Variants in PSMF1 observed in about 807,000 individuals in gnomAD.
PSMF1 encodes proteasome inhibitor PI31 subunit.
In PSMF1, 30 loss-of-function variants were observed where a neutral mutation model predicts 29.3. The observed-to-expected ratio is 1.02, with a 90% CI of 0.77 to 1.39. The LOEUF is 1.39. PSMF1 is among the 40% of genes most tolerant of loss of function. PSMF1 has a pLI of 0.00. For synonymous variants in PSMF1, 134 were observed against 139.7 expected (o/e 0.96, Z 0.29); for missense variants, 344 against 357.5 (o/e 0.96, Z 0.31).
At chr20:1,125,773 C>G in intron 2 of PSMF1, 123 bp downstream of exon 2, 1 of 1,283,160 alleles carries the variant, frequency 7.8e-7, no homozygotes, top group Non-Finnish European at 1.1e-6. Flanking sequence ...AGTGATCCCA[C>G]TTCTGGAACT....
At chr20:1,146,885 TA>T (rs1485937027) in intron 4 of PSMF1, among the ~76,000 whole-genome samples, 1 of 152,182 alleles carries the variant, frequency 6.6e-6, no homozygotes, top group Non-Finnish European at 1.5e-5. Context: ...AGTGGTCTAG[TA>T]ACTGGTCACT....
intron 1 of PSMF1, among the ~76,000 whole-genome samples, chr20:1,120,383 C>T (rs1470595993): frequency 6.6e-6 from 1 of 152,178 alleles, no homozygotes; most frequent in Non-Finnish European, 1.5e-5. Flanking sequence ...ATCATTTCAC[C>T]TTCCCAAACA....
intron 1 of PSMF1, among the ~76,000 whole-genome samples, chr20:1,124,648 T>C (rs1291178613): frequency 1.3e-5 from 2 of 152,358 alleles, no homozygotes; most frequent in South Asian, 2.1e-4. Flanking sequence ...CAAATCACCA[T>C]CAACAAGTAG....
chr20:1,153,669 C>T (rs1853502427), intron 4 of PSMF1, among the ~76,000 whole-genome samples: 1 of 152,178 alleles, frequency 6.6e-6, no homozygotes, highest in Admixed American at 6.5e-5. Context: ...TGTTCTCTGA[C>T]CTCTCAAATG....
At chr20:1,132,959 G>A (rs2086249327) in intron 3 of PSMF1, among the ~76,000 whole-genome samples, 1 of 121,852 alleles carries the variant, frequency 8.2e-6, no homozygotes. Context: ...AAGGTGTTTA[G>A]GGTTTTTTTG....
Position 1,157,449 on chromosome 20 carries a change from C to T in PSMF1, c.552-5681C>T, listed in dbSNP as rs559429144. 4.1e-4 allele frequency among the ~76,000 whole-genome samples: 63 copies of T among 152,272 alleles called. No individual in the cohort carries two copies. In the South Asian group the frequency reaches 0.011, roughly 28 times the overall value. On this transcript the variant is annotated intron_variant, in intron 4 of 6. Transcript: ENST00000335877. ...CGCCTAACATAATACAACTATCCTT[C>T]GTACAACTAGAAACTCACCAATCCC...
intron 3 of PSMF1, among the ~76,000 whole-genome samples, chr20:1,130,045 A>G (rs574763971): frequency 2.0e-5 from 3 of 152,232 alleles, no homozygotes; most frequent in Non-Finnish European, 4.4e-5. Context: ...CCTTGAAGAC[A>G]TTATACTAAA....
At chr20:1,119,568 A>G (rs2086057896) in intron 1 of PSMF1, among the ~76,000 whole-genome samples, 1 of 152,108 alleles carries the variant, frequency 6.6e-6, no homozygotes, top group South Asian at 2.1e-4. Context: ...GGGTCATATA[A>G]GATTTTCTCC....
At chr20:1,126,568 AG>A (rs1263611035) in intron 2 of PSMF1, among the ~76,000 whole-genome samples, 3 of 152,072 alleles carry the variant, frequency 2.0e-5, no homozygotes, top group Non-Finnish European at 4.4e-5. Context: ...TTAAGCAAAA[AG>A]GGTTTATTAA....
chr20:1,123,602 C>T (rs2086117789), intron 1 of PSMF1, among the ~76,000 whole-genome samples: 1 of 152,058 alleles, frequency 6.6e-6, no homozygotes, highest in Non-Finnish European at 1.5e-5. Context: ...ATATAGTATT[C>T]CACTATAAGC....
chr20:1,116,300 C>T (rs150330086), upstream of PSMF1, among the ~76,000 whole-genome samples: 611 of 152,328 alleles, frequency 4.0e-3, 3 homozygotes, highest in African/African-American at 0.014. Context: ...AAGTGCAGAA[C>T]TTCTCAGTAG....
intron 4 of PSMF1, among the ~76,000 whole-genome samples, chr20:1,157,992 C>T (rs932639564): frequency 6.6e-6 from 1 of 152,084 alleles, no homozygotes; most frequent in African/African-American, 2.4e-5. Flanking sequence ...GGGTCAGTCA[C>T]CCCAGCCAAC....
chr20:1,115,616 C>T (rs116267660), upstream of PSMF1, among the ~76,000 whole-genome samples: 187 of 152,288 alleles, frequency 1.2e-3, no homozygotes, highest in African/African-American at 4.3e-3. Context: ...GGCAAAGAGA[C>T]GAGGGAAACC....
chr20:1,150,591 T>C (rs2086517781), intron 4 of PSMF1, among the ~76,000 whole-genome samples: 1 of 152,188 alleles, frequency 6.6e-6, no homozygotes, highest in Non-Finnish European at 1.5e-5. Flanking sequence ...AAATCTCTTG[T>C]TCATTTTTCT....
chr20:1,119,923 C>T (rs1009016822), intron 1 of PSMF1, among the ~76,000 whole-genome samples: 3 of 152,162 alleles, frequency 2.0e-5, no homozygotes, highest in Non-Finnish European at 4.4e-5. Context: ...CCTTCCTCTC[C>T]TTTTTGACTG....
intron 4 of PSMF1, among the ~76,000 whole-genome samples, chr20:1,144,453 G>T (rs2086423712): frequency 6.6e-6 from 1 of 152,102 alleles, no homozygotes; most frequent in African/African-American, 2.4e-5. Flanking sequence ...TGAAAATTGT[G>T]CCCACAGAAA....
chr20:1,135,214 T>TC lies in PSMF1; in HGVS notation c.463dup (p.His155ProfsTer32). On this transcript the variant is annotated frameshift_variant, in exon 4 of 7. Coordinates refer to ENST00000335877, the MANE Select transcript of PSMF1 (RefSeq NM_006814.5). LOFTEE classifies it high-confidence loss of function. ...AGTGGGAAAAGGCTAATGTAAGCAG[T>TC]CCCCACCGGGAGTTCCCCCCTGCTA... 1 of 1,613,932 alleles carries TC rather than the reference T, an allele frequency of 6.2e-7. No homozygotes were observed. The highest frequency in any genetic ancestry group is 1.7e-5 in the Admixed American group (1 of 60,004).
chr20:1,149,728 G>T (rs2086502213), intron 4 of PSMF1, among the ~76,000 whole-genome samples: 1 of 152,216 alleles, frequency 6.6e-6, no homozygotes, highest in Non-Finnish European at 1.5e-5. Context: ...TTGTGCCTCT[G>T]TGTGCAGTAG....
intron 4 of PSMF1, among the ~76,000 whole-genome samples, chr20:1,151,909 G>T (rs1600166255): frequency 6.6e-6 from 1 of 152,160 alleles, no homozygotes; most frequent in Admixed American, 6.5e-5. Context: ...AGAAGTGGGG[G>T]AGTTTTTGTT....
Sources: gnomAD v4.1 joint callset for allele counts (sites outside exome capture counted in the v4.1 genomes callset) on GRCh38, gnomAD v4.1.1 for gene constraint, MANE v1.5 for transcripts, NCBI Gene and HGNC (gene_info 2026-07-23, HGNC 2026-07-21) for gene names.